Variants in KIF26B observed in about 807,000 individuals in gnomAD.
KIF26B encodes the protein kinesin family member 26B.
A neutral mutation model predicts 151.2 loss-of-function variants in KIF26B; 63 were observed. That is an observed-to-expected ratio of 0.42 (90% confidence interval 0.34 to 0.51). KIF26B has a LOEUF of 0.51. Among genes scored for constraint, KIF26B ranks in the 20% least tolerant of loss-of-function variants. The pLI, the probability that KIF26B is intolerant of heterozygous loss-of-function variation, is 0.07. For missense variants in KIF26B, 2,813 were observed against 2,913.6 expected, an observed-to-expected ratio of 0.97 and a Z score of 0.79; for synonymous variants, 1,357 against 1,262.1, an observed-to-expected ratio of 1.08 and a Z score of -1.59.
At chr1:245,414,170 C>T (rs1337328850) in intron 3 of KIF26B, among the ~76,000 whole-genome samples, 2 of 152,214 alleles carry the variant, frequency 1.3e-5, no homozygotes, top group African/African-American at 2.4e-5. Context: ...CCAAGGCTTC[C>T]AGCAGAGTTT....
intron 2 of KIF26B, among the ~76,000 whole-genome samples, chr1:245,175,364 C>T (rs1426662666): frequency 4.6e-5 from 7 of 152,006 alleles, no homozygotes; most frequent in South Asian, 2.1e-4. Flanking sequence ...GCTTCAATTT[C>T]TAGAGATGCT....
chr1:245,447,456 T>C (rs1015928146), intron 4 of KIF26B, among the ~76,000 whole-genome samples: 1 of 152,132 alleles, frequency 6.6e-6, no homozygotes, highest in Non-Finnish European at 1.5e-5. Flanking sequence ...TTCAATGCTA[T>C]AGTATTAAAA....
At chr1:245,369,291 G>A (rs1356626450) in intron 3 of KIF26B, among the ~76,000 whole-genome samples, 1 of 152,210 alleles carries the variant, frequency 6.6e-6, no homozygotes, top group Non-Finnish European at 1.5e-5. Context: ...AGGAGAAAAA[G>A]GAACAAGTCG....
At chr1:245,640,798 A>G (rs890914504) in intron 9 of KIF26B, among the ~76,000 whole-genome samples, 2 of 152,170 alleles carry the variant, frequency 1.3e-5, no homozygotes, top group African/African-American at 4.8e-5. Context: ...AAAAGAAAAA[A>G]ACACATGCAT....
intron 9 of KIF26B, among the ~76,000 whole-genome samples, chr1:245,642,773 C>G (rs1157431938): frequency 6.6e-6 from 1 of 152,024 alleles, no homozygotes; most frequent in East Asian, 1.9e-4. Flanking sequence ...GTGTGTGTCA[C>G]CCAGCAAGTT....
intron 4 of KIF26B, among the ~76,000 whole-genome samples, chr1:245,533,839 T>C (rs1661432805): frequency 6.6e-6 from 1 of 151,978 alleles, no homozygotes; most frequent in African/African-American, 2.4e-5. Flanking sequence ...TCTACATAAT[T>C]GAGACCTAAG....
chr1:245,548,760 A>T (rs6428932), intron 5 of KIF26B, among the ~76,000 whole-genome samples: 10,385 of 69,290 alleles, frequency 0.15, 1,157 homozygotes, highest in African/African-American at 0.37. Flanking sequence ...TTTTTTTTTT[A>T]AAAACAGGGT....
intron 4 of KIF26B, among the ~76,000 whole-genome samples, chr1:245,515,662 T>C (rs915944470): frequency 6.6e-6 from 1 of 152,236 alleles, no homozygotes; most frequent in African/African-American, 2.4e-5. Flanking sequence ...AACAAAACAA[T>C]ATTCTCTTTT....
In KIF26B at chr1:245,540,984, G is replaced by T. The variant is rs752257128; in HGVS notation, c.1350+34G>T. ...ATCCGCCGTCCCTGCCATTTGCCCA[G>T]TGTGCGAGGTTCTGGATCAAGTTTC... On this transcript the variant is annotated intron_variant, in intron 5 of 14. Coordinates refer to ENST00000407071, the MANE Select transcript of KIF26B (RefSeq NM_018012.4). This position sits in a 1 kb window ranked among gnomAD's most constrained non-coding sequence, Gnocchi z 4.6. The T allele has an allele frequency of 3.2e-6, 5 of 1,562,222 alleles. No individual in the cohort carries two copies. The Admixed American group carries it at 9.3e-5, about 29-fold the overall frequency.
chr1:245,690,895 C>T (rs1234232367), intron 12 of KIF26B, among the ~76,000 whole-genome samples: 2 of 152,176 alleles, frequency 1.3e-5, no homozygotes, highest in Non-Finnish European at 2.9e-5. Flanking sequence ...GTCTTATGGC[C>T]AGGGCCAAGG....
At chr1:245,565,382 G>C (rs955256369) in intron 5 of KIF26B, among the ~76,000 whole-genome samples, 1 of 151,168 alleles carries the variant, frequency 6.6e-6, no homozygotes, top group South Asian at 2.1e-4. Flanking sequence ...TCCACCTCCC[G>C]GGTTCAAGCA....
intron 4 of KIF26B, among the ~76,000 whole-genome samples, chr1:245,461,625 A>C (rs1311689803): frequency 1.3e-5 from 2 of 151,836 alleles, no homozygotes; most frequent in Non-Finnish European, 2.9e-5. Flanking sequence ...CTTCACCAGG[A>C]CCCATCAGAG....
chr1:245,640,122 G>GCTCTCTCTCTCTCTCTCT (rs376565844), intron 9 of KIF26B, among the ~76,000 whole-genome samples: 646 of 53,714 alleles, frequency 0.012, 88 homozygotes, highest in African/African-American at 0.017. Context: ...ACTAATATTT[G>GCTCTCTCTCTCTCTCTCT]CTCTCTCTCT....
intron 12 of KIF26B, among the ~76,000 whole-genome samples, chr1:245,695,974 G>A (rs1054269874): frequency 6.6e-6 from 1 of 152,100 alleles, no homozygotes; most frequent in African/African-American, 2.4e-5. Context: ...ATCTCACACG[G>A]TGCCCTGGCA....
At chr1:245,288,435 C>T (rs1375211039) in intron 2 of KIF26B, among the ~76,000 whole-genome samples, 2 of 152,196 alleles carry the variant, frequency 1.3e-5, no homozygotes, top group Non-Finnish European at 2.9e-5. Context: ...CCGGAACATA[C>T]TTCCAACCAG....
intron 3 of KIF26B, among the ~76,000 whole-genome samples, chr1:245,407,824 T>G (rs1674173166): frequency 6.6e-6 from 1 of 152,192 alleles, no homozygotes; most frequent in Non-Finnish European, 1.5e-5. Context: ...CCTAAGGTCC[T>G]AAGGTTGACT....
intron 4 of KIF26B, among the ~76,000 whole-genome samples, chr1:245,452,401 G>A (rs1439118852): frequency 6.6e-6 from 1 of 152,066 alleles, no homozygotes; most frequent in African/African-American, 2.4e-5. Context: ...TGCTATGAAC[G>A]ATGGTGTTCA....
At chr1:245,438,501 T>C (rs1658986818) in intron 4 of KIF26B, among the ~76,000 whole-genome samples, 1 of 152,024 alleles carries the variant, frequency 6.6e-6, no homozygotes. Flanking sequence ...TGGAATTGAG[T>C]TTTCACTCTT....
intron 2 of KIF26B, among the ~76,000 whole-genome samples, chr1:245,364,422 CTTT>C (rs763619030): frequency 2.4e-4 from 24 of 98,902 alleles, no homozygotes; most frequent in African/African-American, 9.4e-4. Flanking sequence ...CTCTCTCTCT[CTTT>C]TTTTTTTTTT....
Sources: gnomAD v4.1 joint callset for allele counts (sites outside exome capture counted in the v4.1 genomes callset) on GRCh38, gnomAD v4.1.1 for gene constraint, Gnocchi (gnomAD v3.1) non-coding constraint, MANE v1.5 for transcripts, NCBI Gene and HGNC (gene_info 2026-07-23, HGNC 2026-07-21) for gene names.